Variants in AHI1 observed in about 807,000 individuals in gnomAD.
AHI1 encodes Abelson helper integration site 1.
AHI1 carries 123 observed loss-of-function variants against 149.3 expected under a neutral mutation model. That is an observed-to-expected ratio of 0.82 (90% CI 0.71 to 0.96). The LOEUF (loss-of-function observed/expected upper bound fraction) is 0.96, where lower values mean the gene tolerates loss of function less well. Among genes scored for constraint, AHI1 ranks in the 40% least tolerant of loss-of-function variants. The probability of loss-of-function intolerance (pLI) is 0.00; values close to 1 mark genes in which losing one functional copy is unlikely to be tolerated. For synonymous variants in AHI1, 475 were observed against 459.8 expected, an observed-to-expected ratio of 1.03 and a Z score of -0.42; for missense variants, 1,439 against 1,422.7, an observed-to-expected ratio of 1.01 and a Z score of -0.18.
At chr6:135,302,965 T>G (rs1784075501) in intron 26 of AHI1, 1 of 445,346 alleles carries the variant, frequency 2.2e-6, no homozygotes, top group Admixed American at 4.2e-5. Flanking sequence ...TTCATGGATA[T>G]CATTGATTTA....
chr6:135,391,804 C>A (rs1778541738), intron 23 of AHI1, among the ~76,000 whole-genome samples: 1 of 152,160 alleles, frequency 6.6e-6, no homozygotes, highest in Non-Finnish European at 1.5e-5. Context: ...GGGACTACTG[C>A]AATGGGATTT....
At chr6:135,382,108 A>G (rs997900986) in intron 23 of AHI1, among the ~76,000 whole-genome samples, 1 of 152,208 alleles carries the variant, frequency 6.6e-6, no homozygotes, top group African/African-American at 2.4e-5. Context: ...TGAGGAAAAA[A>G]GTAAATTGTC....
intron 24 of AHI1, among the ~76,000 whole-genome samples, chr6:135,329,390 G>C (rs930778800): frequency 1.3e-5 from 2 of 152,082 alleles, no homozygotes; most frequent in South Asian, 2.1e-4. Flanking sequence ...AAAAATCCCA[G>C]AGCCCTTAAG....
At chr6:135,290,802 A>G (rs1026201712) in intron 27 of AHI1, among the ~76,000 whole-genome samples, 3 of 152,148 alleles carry the variant, frequency 2.0e-5, no homozygotes, top group Non-Finnish European at 4.4e-5. Context: ...CAAAATCTTA[A>G]ACAATTATCT....
rs140862331 is a variant in AHI1, at chr6:135,297,666, C to G, written c.3485+2834G>C. The stretch of plus-strand genomic sequence containing the variant: ...AGGTCACACACATGACAATAAATGC[C>G]TTTAATTTTAGAAATTGGGGGTAGG... On this transcript the variant is annotated intron_variant, in intron 27 of 28. Coordinates refer to ENST00000265602, the MANE Select transcript of AHI1 (RefSeq NM_001134831.2). Among the ~76,000 whole-genome samples, 949 of 151,770 alleles carry G rather than the reference C, an allele frequency of 6.3e-3. 5 individuals carry two copies. Among genetic ancestry groups the G allele is most frequent in the Admixed American group, 0.014 (211 of 15,252 alleles).
At chr6:135,385,281 C>G (rs970819424) in intron 23 of AHI1, among the ~76,000 whole-genome samples, 1 of 151,956 alleles carries the variant, frequency 6.6e-6, no homozygotes, top group African/African-American at 2.4e-5. Flanking sequence ...AGGGAGTGGG[C>G]ATATATAGGG....
intron 20 of AHI1, among the ~76,000 whole-genome samples, chr6:135,417,876 GTATCAGAC>G (rs1178784544): frequency 2.0e-5 from 3 of 151,854 alleles, no homozygotes; most frequent in African/African-American, 7.3e-5. Context: ...ACATCAACTT[GTATCAGAC>G]TATATAGATT....
intron 10 of AHI1, among the ~76,000 whole-genome samples, chr6:135,454,693 G>T (rs561936696): frequency 6.6e-6 from 1 of 152,122 alleles, no homozygotes; most frequent in East Asian, 1.9e-4. Flanking sequence ...AACCAAAAGC[G>T]TTTATAATAC....
chr6:135,466,160 G>A lies in AHI1; in HGVS notation c.403C>T (p.Gln135Ter). 1 of 1,613,830 alleles carries A rather than the reference G, an allele frequency of 6.2e-7. No individual in the cohort carries two copies. The highest frequency in any genetic ancestry group is 8.5e-7 in the Non-Finnish European group (1 of 1,179,852). Residue 135 changes from glutamine to a stop codon, truncating the protein, a stop_gained, in exon 7 of 29, where the codon CAG becomes TAG. Coordinates refer to ENST00000265602, the MANE Select transcript of AHI1 (RefSeq NM_001134831.2). LOFTEE classifies it high-confidence loss of function. ...PNKKVIKTVP[Q>*]LTTQDLKPET... ...GGTTTCAGGTCTTGTGTAGTCAACT[G>A]GGGCACCGTCTTTATCACCTTTTTA...
At chr6:135,492,402 T>C in intron 3 of AHI1, 111 bp from the exon 4 acceptor site, 1 of 1,341,682 alleles carries the variant, frequency 7.5e-7, no homozygotes, top group East Asian at 2.8e-5. Flanking sequence ...ATTAAGTTTA[T>C]ACCAATAAAG....
At chr6:135,478,899 C>G (rs1793151006) in intron 5 of AHI1, among the ~76,000 whole-genome samples, 1 of 152,254 alleles carries the variant, frequency 6.6e-6, no homozygotes, top group African/African-American at 2.4e-5. Flanking sequence ...CCCAGCTGCT[C>G]TGGCTCCAGC....
At chr6:135,374,620 C>A (rs1019919425) in intron 23 of AHI1, among the ~76,000 whole-genome samples, 25 of 152,036 alleles carry the variant, frequency 1.6e-4, no homozygotes, top group Middle Eastern at 3.4e-3. Context: ...ATACAAACGT[C>A]AATTTCTCTT....
At chr6:135,395,999 T>C (rs1779162197) in intron 22 of AHI1, among the ~76,000 whole-genome samples, 1 of 151,810 alleles carries the variant, frequency 6.6e-6, no homozygotes, top group South Asian at 2.1e-4. Context: ...TACATGTTTG[T>C]AAATTTTTTT....
Position 135,362,715 on chromosome 6 carries a change from T to A in AHI1, c.3110-4528A>T, listed in dbSNP as rs551686700. Among the ~76,000 whole-genome samples the A allele has an allele frequency of 1.7e-4, 26 of 148,638 alleles. No homozygotes were observed. The East Asian group carries it at 5.1e-3, about 29-fold the overall frequency. ...GTCCTTAGCCCACTTTGTGATGGGATTTTTTTTTTCTTGCTGATTTGTTTG... is the reference window on the plus strand; with the variant it reads ...GTCCTTAGCCCACTTTGTGATGGGAATTTTTTTTTCTTGCTGATTTGTTTG... On this transcript the variant is annotated intron_variant, in intron 23 of 28. Transcript: ENST00000265602.
intron 2 of AHI1, among the ~76,000 whole-genome samples, chr6:135,496,437 T>C (rs1345313665): frequency 6.6e-6 from 1 of 152,182 alleles, no homozygotes; most frequent in Non-Finnish European, 1.5e-5. Context: ...TCTTAATATG[T>C]ACTACAGCAA....
chr6:135,393,233 G>C (rs945823301), intron 23 of AHI1, among the ~76,000 whole-genome samples: 1 of 151,464 alleles, frequency 6.6e-6, no homozygotes, highest in African/African-American at 2.4e-5. Context: ...CATTTCAAAG[G>C]CCTTCCTACC....
intron 7 of AHI1, among the ~76,000 whole-genome samples, chr6:135,463,598 T>C (rs1354462253): frequency 3.3e-5 from 5 of 152,140 alleles, no homozygotes; most frequent in Non-Finnish European, 7.4e-5. Flanking sequence ...TTGATCTCTC[T>C]TTACATAGGA....
chr6:135,448,541 G>T, intron 11 of AHI1, 66 bp from the exon 12 acceptor site: 2 of 1,210,224 alleles, frequency 1.7e-6, no homozygotes, highest in Non-Finnish European at 2.2e-6. Context: ...TAAAGCAATA[G>T]CATAAAGTCA....
At chr6:135,435,493 G>C (rs964457969) in intron 15 of AHI1, among the ~76,000 whole-genome samples, 5 of 152,150 alleles carry the variant, frequency 3.3e-5, no homozygotes, top group Non-Finnish European at 7.4e-5. Context: ...AAGTAGGTAA[G>C]TTTCAAAGGG....
Sources: allele counts gnomAD v4.1 joint callset (sites outside exome capture counted in the v4.1 genomes callset), GRCh38; gene constraint gnomAD v4.1.1; transcripts MANE v1.5; gene names NCBI Gene and HGNC (gene_info 2026-07-23, HGNC 2026-07-21).